LRP2: variants seen among roughly 807,000 people sequenced by gnomAD.
The protein encoded by LRP2 is LDL receptor related protein 2.
A neutral mutation model predicts 531.0 loss-of-function variants in LRP2; 172 were observed. The ratio of observed to expected loss-of-function variants is 0.32; its 90% CI spans 0.29 to 0.37. The LOEUF (loss-of-function observed/expected upper bound fraction) is 0.37. Among genes scored for constraint, LRP2 ranks in the 10% least tolerant of loss-of-function variants. LRP2 has a pLI of 1.00. For synonymous variants in LRP2, 1,992 were observed against 2,027.6 expected, an observed-to-expected ratio of 0.98 and a Z score of 0.47; for missense variants, 5,167 against 5,868.3, an observed-to-expected ratio of 0.88 and a Z score of 3.90.
chr2:169,214,971 G>A (rs556866190), intron 35 of LRP2, among the ~76,000 whole-genome samples: 1 of 152,196 alleles, frequency 6.6e-6, no homozygotes, highest in South Asian at 2.1e-4. Flanking sequence ...AGAAATAAGG[G>A]AACTACACTA....
chr2:169,130,357 G>A (rs1486873448), intron 77 of LRP2, among the ~76,000 whole-genome samples: 1 of 148,800 alleles, frequency 6.7e-6, no homozygotes, highest in African/African-American at 2.5e-5. Flanking sequence ...TCACAGTCTC[G>A]GCCCACTACA....
chr2:169,142,834 T>G, intron 70 of LRP2, 41 bp from the exon 71 acceptor site: 1 of 1,610,766 alleles, frequency 6.2e-7, no homozygotes, highest in Non-Finnish European at 8.5e-7. Flanking sequence ...CCTGACAGAA[T>G]GAATAACCTG....
chr2:169,243,460 AT>A lies in LRP2; in HGVS notation c.3492del (p.Ser1165ArgfsTer21). On this transcript the variant is annotated frameshift_variant, in exon 23 of 79. Transcript: ENST00000649046. LOFTEE classifies it high-confidence loss of function. ...FNCPNHRCID[L>X]SFVCDGDKDC... ...TCCTTGTCACCATCACAGACAAACG[AT>A]AGGTCAATACATCGATGATTGGGGC... 6.2e-7 allele frequency: 1 copy of A among 1,614,184 alleles called. No homozygotes were observed.
intron 53 of LRP2, among the ~76,000 whole-genome samples, chr2:169,177,220 A>C (rs917308220): frequency 6.6e-6 from 1 of 152,240 alleles, no homozygotes; most frequent in African/African-American, 2.4e-5. Context: ...GTCTATCCCC[A>C]AAATATATTT....
In LRP2 at chr2:169,175,258, G is replaced by A. The variant is rs753477259; in HGVS notation, c.10703C>T (p.Pro3568Leu). 24 of 1,614,146 alleles carry A rather than the reference G, an allele frequency of 1.5e-5. No individual in the cohort carries two copies. The highest frequency in any genetic ancestry group is 3.3e-5 in the South Asian group (3 of 91,078). The change falls in exon 55 of 79, where the codon CCG (proline) becomes CTG (leucine). Residue 3568 changes from proline to leucine, a missense_variant. Coordinates refer to ENST00000649046, the MANE Select transcript of LRP2 (RefSeq NM_004525.3). ...FQCSDGNCTS[P>L]QTLCNAHQNC... ...TTGGTGAGCATTGCATAAAGTCTGCGGGCTGGTGCAGTTGCCGTCACTGCA... is the reference window on the plus strand; with the variant it reads ...TTGGTGAGCATTGCATAAAGTCTGCAGGCTGGTGCAGTTGCCGTCACTGCA...
At chr2:169,173,807 G>T in intron 56 of LRP2, 112 bp downstream of exon 56, 1 of 1,456,904 alleles carries the variant, frequency 6.9e-7, no homozygotes, top group Non-Finnish European at 9.5e-7. Flanking sequence ...GTGCCAAGGG[G>T]GAGCATCCCA....
At chr2:169,341,337 T>G (rs1203238189) in intron 1 of LRP2, among the ~76,000 whole-genome samples, 1 of 152,108 alleles carries the variant, frequency 6.6e-6, no homozygotes, top group Admixed American at 6.6e-5. Context: ...AAAATTAAAA[T>G]TAAAATAAAT....
intron 63 of LRP2, among the ~76,000 whole-genome samples, chr2:169,161,877 T>C (rs62172580): frequency 0.02 from 3,081 of 152,330 alleles, 38 homozygotes; most frequent in Non-Finnish European, 0.03. Flanking sequence ...GTACCAAGGA[T>C]ACTGCATTTG....
In LRP2 at chr2:169,177,940, G is replaced by A. The variant is rs1435987866; in HGVS notation, c.10256C>T (p.Thr3419Ile). Residue 3419 changes from threonine to isoleucine, a missense_variant, in exon 53 of 79, where the codon ACT (threonine) becomes ATT (isoleucine). By Grantham distance (89) the Thr-to-Ile change is moderately conservative. Transcript: ENST00000649046. ...HPFAITIFED[T>I]IYWTDWNTRT... ...TGTATTCCAATCTGTCCAATAAATA[G>A]TGTCTTCAAAAATGGTAATAGCGAA... The A allele has an allele frequency of 2.5e-6, 4 of 1,614,020 alleles. No individual in the cohort carries two copies. Among genetic ancestry groups the A allele is most frequent in the African/African-American group, 2.7e-5 (2 of 74,900 alleles).
Position 169,210,458 on chromosome 2 carries a change from G to C in LRP2, c.6281-817C>G, listed in dbSNP as rs183210807. 2.0e-5 allele frequency among the ~76,000 whole-genome samples: 3 copies of C among 152,302 alleles called. No homozygotes were observed. The East Asian group carries it at 5.8e-4, about 29-fold the overall frequency. ...CAACTAACACAGCATAACCTATAAA[G>C]TATTATTGCTAAATGTATTTAACCT... On this transcript the variant is annotated intron_variant, in intron 37 of 78. Transcript: ENST00000649046.
intron 16 of LRP2, among the ~76,000 whole-genome samples, chr2:169,269,536 A>G (rs1360034281): frequency 1.3e-5 from 2 of 152,286 alleles, no homozygotes; most frequent in Admixed American, 6.5e-5. Context: ...GGTACTGGGA[A>G]AACTGGCTAG....
At chr2:169,324,826 A>C (rs922771788) in intron 1 of LRP2, among the ~76,000 whole-genome samples, 6 of 152,168 alleles carry the variant, frequency 3.9e-5, no homozygotes, top group Admixed American at 1.3e-4. Context: ...TGTGTCATTT[A>C]CAGCCTCTGG....
chr2:169,234,122 G>GTTTTTAA (rs968756116), intron 29 of LRP2, among the ~76,000 whole-genome samples: 1 of 152,070 alleles, frequency 6.6e-6, no homozygotes, highest in Admixed American at 6.5e-5. Flanking sequence ...TTTTTAAATT[G>GTTTTTAA]TTTTTAATTT....
rs1684274146 is a variant in LRP2 at position 169,301,059 on chromosome 2, T to C, written c.427+6222A>G. Among the ~76,000 whole-genome samples, 3 of 152,134 alleles carry C rather than the reference T, an allele frequency of 2.0e-5. No homozygotes were observed. The South Asian group carries it at 6.2e-4, about 31-fold the overall frequency. On this transcript the variant is annotated intron_variant, in intron 4 of 78. Coordinates refer to ENST00000649046, the MANE Select transcript of LRP2 (RefSeq NM_004525.3). ...TTGCAGGCAGACCAAGTACTGCTGA[T>C]TACCAGCAAGAAAGCCTTCATTGTA...
chr2:169,291,388 TG>T (rs1290192223), intron 7 of LRP2, among the ~76,000 whole-genome samples: 8 of 152,342 alleles, frequency 5.3e-5, no homozygotes, highest in African/African-American at 1.9e-4. Context: ...CTTTTTGATT[TG>T]CTTTGTTTAT....
Position 169,235,978 on chromosome 2 carries a change from C to T in LRP2, c.4782G>A (p.Gln1594=). ...AGCCGCAGGGCCAGAAGATCTTGTC[C>T]TGGACAATGACAGTGCGCATGCTGC... ...MDGSMRTVIV[Q]DKIFWPCGLT... Residue 1594 remains glutamine, a synonymous_variant, in exon 29 of 79, where the codon CAG becomes CAA. Coordinates refer to ENST00000649046, the MANE Select transcript of LRP2 (RefSeq NM_004525.3). 6.2e-7 allele frequency: 1 copy of T among 1,614,206 alleles called. No homozygotes were observed.
chr2:169,316,478 G>A (rs563590742), intron 3 of LRP2, among the ~76,000 whole-genome samples: 1 of 152,244 alleles, frequency 6.6e-6, no homozygotes, highest in South Asian at 2.1e-4. Context: ...GTTTAAGACT[G>A]ATTTTGTATT....
At chr2:169,247,266 AC>A in intron 20 of LRP2, 111 bp downstream of exon 20, 1 of 1,162,724 alleles carries the variant, frequency 8.6e-7, no homozygotes. Flanking sequence ...AGAATATAAA[AC>A]TACCAGGAGC....
chr2:169,226,028 ATT>A (rs1689189039), intron 32 of LRP2, among the ~76,000 whole-genome samples: 2 of 152,176 alleles, frequency 1.3e-5, no homozygotes, highest in Non-Finnish European at 2.9e-5. Context: ...AGTTTTGATC[ATT>A]TTTATATTCG....
Sources: gnomAD v4.1 joint callset for allele counts (sites outside exome capture counted in the v4.1 genomes callset) on GRCh38, gnomAD v4.1.1 for gene constraint, MANE v1.5 for transcripts, NCBI Gene and HGNC (gene_info 2026-07-23, HGNC 2026-07-21) for gene names.